RBPJ: variants seen among roughly 807,000 people sequenced by gnomAD.
RBPJ encodes recombining binding protein suppressor of hairless.
A neutral mutation model predicts 67.8 loss-of-function variants in RBPJ; 9 were observed. The ratio of observed to expected loss-of-function variants is 0.13; its 90% CI spans 0.08 to 0.23. RBPJ has a LOEUF of 0.23. RBPJ is among the 10% of genes least tolerant of loss of function. The pLI, the probability that RBPJ is intolerant of heterozygous loss-of-function variation, is 1.00. For synonymous variants in RBPJ, 198 were observed against 203.3 expected (o/e 0.97, Z 0.22); for missense variants, 305 against 595.6 (o/e 0.51, Z 5.08).
rs11350013 is a variant in RBPJ at position 26,327,542 on chromosome 4, GTTTTTTTT to G, written c.20+6511_20+6518del. Among the ~76,000 whole-genome samples the G allele has an allele frequency of 2.5e-3, 264 of 104,912 alleles. 1 individual carries two copies. The highest frequency in any genetic ancestry group is 3.2e-3 in the African/African-American group (84 of 26,178). 68.8% of individuals were successfully genotyped at this position (104,912 alleles called of 152,430 possible). On this transcript the variant is annotated intron_variant, in intron 1 of 10. Coordinates refer to ENST00000355476, the MANE Select transcript of RBPJ (RefSeq NM_015874.6). ...CTAGAGAATCAAGTTGACCCTGGAG[GTTTTTTTT>G]TTTTTTTTTTTTTTTTGTATTCAGT...
chr4:26,321,639 T>A (rs1384446950), intron 1 of RBPJ: 1 of 153,538 alleles, frequency 6.5e-6, no homozygotes, highest in East Asian at 1.9e-4. Flanking sequence ...ACCAGATTTC[T>A]GCCTTAATTG....
intron 1 of RBPJ, among the ~76,000 whole-genome samples, chr4:26,232,935 C>T (rs1719338580): frequency 6.6e-6 from 1 of 152,144 alleles, no homozygotes; most frequent in Non-Finnish European, 1.5e-5. Flanking sequence ...TCCTAAACAC[C>T]ATCTAAGTTT....
intron 1 of RBPJ, among the ~76,000 whole-genome samples, chr4:26,182,017 T>G (rs1285816064): frequency 6.6e-6 from 1 of 152,230 alleles, no homozygotes; most frequent in African/African-American, 2.4e-5. Context: ...ACTGCAACTT[T>G]TTACATGTTA....
intron 1 of RBPJ, among the ~76,000 whole-genome samples, chr4:26,184,828 A>G (rs1717170846): frequency 1.3e-5 from 2 of 152,204 alleles, no homozygotes; most frequent in South Asian, 4.1e-4. Context: ...CTGTCTATAA[A>G]TGAAGAACTT....
chr4:26,373,915 CTTTTTTTTTTTT>C (rs765161799), intron 1 of RBPJ, among the ~76,000 whole-genome samples: 2 of 113,344 alleles, frequency 1.8e-5, no homozygotes, highest in Non-Finnish European at 3.5e-5. Flanking sequence ...TTATTTTTTA[CTTTTTTTTTTTT>C]TTTTTTTTGG....
At chr4:26,415,769 T>A in intron 4 of RBPJ, 129 bp downstream of exon 4, 3 of 883,568 alleles carry the variant, frequency 3.4e-6, no homozygotes, top group African/African-American at 1.7e-5. Flanking sequence ...ATATATAAAC[T>A]AGGACCAAAA....
chr4:26,336,297 G>A (rs1341666311), intron 1 of RBPJ, among the ~76,000 whole-genome samples: 1 of 152,144 alleles, frequency 6.6e-6, no homozygotes, highest in Non-Finnish European at 1.5e-5. Context: ...CATTGAGAAA[G>A]GAAGAGTTAT....
intron 1 of RBPJ, among the ~76,000 whole-genome samples, chr4:26,375,408 A>T (rs1004560624): frequency 6.6e-6 from 1 of 151,982 alleles, no homozygotes; most frequent in Non-Finnish European, 1.5e-5. Context: ...ATGGATAGGG[A>T]CAGTGTTTCT....
chr4:26,123,990 T>G, the RBPJ span, among the ~76,000 whole-genome samples: 1 of 152,324 alleles, frequency 6.6e-6, no homozygotes, highest in South Asian at 2.1e-4. Flanking sequence ...AGTAAATACA[T>G]GAACCAGTAA....
intron 1 of RBPJ, among the ~76,000 whole-genome samples, chr4:26,291,329 C>A (rs1260690508): frequency 1.3e-5 from 2 of 149,392 alleles, no homozygotes; most frequent in Non-Finnish European, 3.0e-5. Context: ...TATTAATTTT[C>A]ATGGCATAGA....
chr4:26,341,372 T>G (rs944806289), intron 1 of RBPJ, among the ~76,000 whole-genome samples: 3 of 152,166 alleles, frequency 2.0e-5, no homozygotes, highest in Admixed American at 1.3e-4. Flanking sequence ...CCCAGCACTT[T>G]GGGAGGCTGA....
chr4:26,306,861 T>C lies in RBPJ; in HGVS notation c.-166-55585T>C, dbSNP rs946625393. On this transcript the variant is annotated intron_variant, in intron 1 of 4. Coordinates refer to the RBPJ transcript ENST00000512351. ...CACTCACTGTTACTTGTTTGTAGGA[T>C]TTTTTAAAAATTAAATATATTAACT... Among the ~76,000 whole-genome samples the C allele has an allele frequency of 3.3e-5, 5 of 152,156 alleles. No homozygotes were observed. In the South Asian group the frequency reaches 1.0e-3, roughly 32 times the overall value.
intron 1 of RBPJ, among the ~76,000 whole-genome samples, chr4:26,354,561 T>C (rs1033892493): frequency 6.6e-6 from 1 of 151,342 alleles, no homozygotes; most frequent in Middle Eastern, 3.2e-3. Context: ...CCGATTCTCC[T>C]GCTTCAGCCT....
At chr4:26,406,147 T>C in intron 2 of RBPJ, 28 bp from the exon 3 acceptor site, 1 of 1,409,676 alleles carries the variant, frequency 7.1e-7, no homozygotes, top group Non-Finnish European at 1.0e-6. Flanking sequence ...TTCACCTCTG[T>C]AACAGTAATA....
intron 1 of RBPJ, among the ~76,000 whole-genome samples, chr4:26,191,736 A>G (rs892052727): frequency 2.0e-5 from 3 of 152,282 alleles, no homozygotes; most frequent in East Asian, 3.9e-4. Flanking sequence ...CAGGGTTTCA[A>G]CTGGGGGCTG....
chr4:26,320,357 TGAG>T (rs1214813522), upstream of RBPJ, among the ~76,000 whole-genome samples: 1 of 152,158 alleles, frequency 6.6e-6, no homozygotes, highest in Admixed American at 6.5e-5. Flanking sequence ...GTTTTCCGCT[TGAG>T]GAGCTCTGGA....
At chr4:26,275,459 C>A (rs1721047994) in intron 1 of RBPJ, among the ~76,000 whole-genome samples, 1 of 152,114 alleles carries the variant, frequency 6.6e-6, no homozygotes, top group African/African-American at 2.4e-5. Context: ...AGGAAGGGAA[C>A]AAGTATTACT....
chr4:26,114,705 A>G, the RBPJ span, among the ~76,000 whole-genome samples: 2 of 152,020 alleles, frequency 1.3e-5, no homozygotes, highest in Non-Finnish European at 2.9e-5. Flanking sequence ...TGATATAATT[A>G]TATGTGTGTA....
chr4:26,131,091 A>G, the RBPJ span, among the ~76,000 whole-genome samples: 868 of 152,342 alleles, frequency 5.7e-3, 9 homozygotes, highest in African/African-American at 0.02. Context: ...CATTTGTGCA[A>G]CATGCCAACT....
Sources: allele counts gnomAD v4.1 joint callset (sites outside exome capture counted in the v4.1 genomes callset), GRCh38; gene constraint gnomAD v4.1.1; transcripts MANE v1.5; gene names NCBI Gene and HGNC (gene_info 2026-07-23, HGNC 2026-07-21).